The following COQ8A variants were observed in gnomAD, a reference collection of about 807,000 sequenced individuals.
COQ8A encodes the protein atypical kinase COQ8A, mitochondrial.
Under a neutral mutation model 65.0 loss-of-function variants are expected in COQ8A, and 51 were observed. The ratio of observed to expected loss-of-function variants is 0.78; its 90% CI spans 0.63 to 0.99. The LOEUF is 0.99. COQ8A is among the 50% of genes least tolerant of loss of function. The pLI is 0.00. For synonymous variants in COQ8A, 371 were observed against 353.2 expected (o/e 1.05, Z -0.57); for missense variants, 940 against 875.0 (o/e 1.07, Z -0.94).
At chr1:226,945,258 G>T (rs532011610) in intron 1 of COQ8A, among the ~76,000 whole-genome samples, 1 of 152,322 alleles carries the variant, frequency 6.6e-6, no homozygotes, top group African/African-American at 2.4e-5. Flanking sequence ...CCCGCGCTTG[G>T]TGGCCTTGCT....
rs760204991 is a variant in COQ8A, at chr1:226,986,548, GA to G, written c.1757del (p.Lys586ArgfsTer5). The stretch of plus-strand genomic sequence containing the variant: ...ATTTTGGCACTCAGAGCACCACCGA[GA>G]AGATCCACAACCTGATTCCCGTCAT... ...FDFGTQSTTE[K>X]IHNLIPVMLR... On this transcript the variant is annotated frameshift_variant, in exon 15 of 15. Coordinates refer to ENST00000366777, the MANE Select transcript of COQ8A (RefSeq NM_020247.5). LOFTEE classifies it high-confidence loss of function. 3 of 1,614,004 alleles carry G rather than the reference GA, an allele frequency of 1.9e-6. No homozygotes were observed. Among genetic ancestry groups the G allele is most frequent in the Non-Finnish European group, 2.5e-6 (3 of 1,180,018 alleles).
intron 4 of COQ8A, among the ~76,000 whole-genome samples, chr1:226,971,738 A>G (rs1658922542): frequency 6.6e-6 from 1 of 151,826 alleles, no homozygotes; most frequent in Admixed American, 6.6e-5. Flanking sequence ...TGCTTCTTTG[A>G]AAGTTATGTC....
intron 1 of COQ8A, among the ~76,000 whole-genome samples, chr1:226,959,953 C>T (rs1658049341): frequency 6.6e-6 from 1 of 152,164 alleles, no homozygotes; most frequent in Non-Finnish European, 1.5e-5. Context: ...CTTGATGCTT[C>T]CTTTTTGATT....
At position 226,946,492 on chromosome 1, in the gene COQ8A, G is replaced by A. The variant is rs550469154; in HGVS notation, c.-10+6093G>A. 6.6e-6 allele frequency among the ~76,000 whole-genome samples: 1 copy of A among 152,130 alleles called. No individual in the cohort carries two copies. The highest frequency in any genetic ancestry group is 2.1e-4 in the South Asian group (1 of 4,820). On this transcript the variant is annotated intron_variant, in intron 1 of 14. Transcript: ENST00000366777. The surrounding 1 kb of genome is among the most constrained non-coding windows in gnomAD (Gnocchi z 5.3). ...GCAGAGGTGTCTGGGGCTCCACAGT[G>A]AAGGGCCTTGCTGGCCAGGCCAGAC...
intron 2 of COQ8A, among the ~76,000 whole-genome samples, chr1:226,963,973 G>A (rs755458964): frequency 7.9e-5 from 12 of 152,284 alleles, no homozygotes; most frequent in East Asian, 7.7e-4. Flanking sequence ...GTTGGATCCC[G>A]GCTCTGTCAT....
At chr1:226,950,339 A>G (rs1657301206) in intron 1 of COQ8A, among the ~76,000 whole-genome samples, 1 of 152,176 alleles carries the variant, frequency 6.6e-6, no homozygotes, top group African/African-American at 2.4e-5. Flanking sequence ...TCCTAAGAAT[A>G]TCTTAATCTT....
rs564593360 is a variant in COQ8A, at chr1:226,983,865, C to G, written c.1256+11C>G. The G allele has an allele frequency of 4.1e-5, 66 of 1,598,238 alleles. No individual in the cohort carries two copies. In the Middle Eastern group the frequency reaches 1.1e-3, roughly 27 times the overall value. On this transcript the variant is annotated intron_variant, in intron 10 of 14. Transcript: ENST00000366777. ...TGCCCGCAAGTTCAGGTGTGGCCCC[C>G]GGCCGGGCCCCTTGCGTGTTTGCAC...
At chr1:226,957,954 A>G (rs1337176328) in intron 1 of COQ8A, 1 of 152,148 alleles carries the variant, frequency 6.6e-6, no homozygotes, top group Admixed American at 6.5e-5. Context: ...TGTGGTGGGA[A>G]CACAGCCTTG....
intron 5 of COQ8A, among the ~76,000 whole-genome samples, chr1:226,979,116 G>A (rs75836830): frequency 0.042 from 6,410 of 152,334 alleles, 263 homozygotes; most frequent in South Asian, 0.24. Context: ...TGGGGAGGCT[G>A]TAGTCTATGC....
Position 226,987,142 on chromosome 1 carries a change from G to T in COQ8A, c.*405G>T, listed in dbSNP as rs949144343. ...GTGGGATTTTATCATCTGTGTAGTA[G>T]GTGTGTGTATGTGTTTCTAGAGTGA... On this transcript the variant is annotated 3_prime_UTR_variant, in exon 15 of 15. Transcript: ENST00000366777. The T allele has an allele frequency of 7.4e-6, 2 of 270,980 alleles. No individual in the cohort carries two copies. Among genetic ancestry groups the T allele is most frequent in the Non-Finnish European group, 7.3e-6 (1 of 137,516 alleles). The allele number at this position is 270,980 out of a possible 1,614,324, so 16.8% of individuals were successfully genotyped here. A position where few individuals can be genotyped will look rare whatever the true frequency, so the allele number is the denominator to read the frequency against.
At chr1:226,973,029 T>C (rs923368265) in intron 4 of COQ8A, among the ~76,000 whole-genome samples, 5 of 152,228 alleles carry the variant, frequency 3.3e-5, no homozygotes, top group African/African-American at 9.6e-5. Flanking sequence ...ACCCTTTGGC[T>C]GGGACCTTCA....
chr1:226,975,524 T>G (rs1383468251), intron 4 of COQ8A, among the ~76,000 whole-genome samples: 1 of 152,288 alleles, frequency 6.6e-6, no homozygotes, highest in African/African-American at 2.4e-5. Context: ...GATAACATTT[T>G]GGGTATATTA....
chr1:226,978,937 C>A (rs746158037), intron 5 of COQ8A, among the ~76,000 whole-genome samples: 6 of 148,656 alleles, frequency 4.0e-5, no homozygotes, highest in South Asian at 2.2e-4. Flanking sequence ...ACACCCACCA[C>A]ACACCCACAC....
intron 1 of COQ8A, among the ~76,000 whole-genome samples, chr1:226,960,189 TGTGGTGGTGGTACTTG>T (rs1477432118): frequency 9.4e-6 from 1 of 106,188 alleles, no homozygotes; most frequent in Non-Finnish European, 2.0e-5. Context: ...TGATGGTACT[TGTGGTGGTGGTACTTG>T]GTGGTGGTGG....
Position 226,967,155 on chromosome 1 carries a change from C to T in COQ8A, c.655+1418C>T, listed in dbSNP as rs116927772. On this transcript the variant is annotated intron_variant, in intron 4 of 14. Coordinates refer to ENST00000366777, the MANE Select transcript of COQ8A (RefSeq NM_020247.5). ...GTCAGAATGAGTTTGAGAATCACTG[C>T]CTTGGTGGCCTCTAGTGGTCCTTAT... Among the ~76,000 whole-genome samples, 378 of 152,304 alleles carry T rather than the reference C, an allele frequency of 2.5e-3. 9 individuals are homozygous for T. The East Asian group carries it at 0.046, about 19-fold the overall frequency.
At chr1:226,971,964 A>G (rs751902277) in intron 4 of COQ8A, among the ~76,000 whole-genome samples, 8 of 152,190 alleles carry the variant, frequency 5.3e-5, no homozygotes, top group African/African-American at 9.7e-5. Flanking sequence ...TGGGACTCCA[A>G]TTACACATAT....
chr1:226,961,681 CCACCAGCTAA>C, intron 2 of COQ8A, 119 bp downstream of exon 2: 1 of 1,263,060 alleles, frequency 7.9e-7, no homozygotes, highest in Non-Finnish European at 1.1e-6. Context: ...GCCTGAGGGC[CCACCAGCTAA>C]TGTGTCCCAC....
At chr1:226,967,968 C>T (rs1419019580) in intron 4 of COQ8A, among the ~76,000 whole-genome samples, 4 of 152,216 alleles carry the variant, frequency 2.6e-5, no homozygotes, top group African/African-American at 7.2e-5. Flanking sequence ...AATTCTGGGC[C>T]TTCTGGCTCA....
At chr1:226,968,012 C>G (rs374491389) in intron 4 of COQ8A, among the ~76,000 whole-genome samples, 7 of 151,016 alleles carry the variant, frequency 4.6e-5, no homozygotes, top group Non-Finnish European at 8.8e-5. Context: ...AGGTTATGAC[C>G]CTTTAGTAAC....
Sources: allele counts gnomAD v4.1 joint callset (sites outside exome capture counted in the v4.1 genomes callset), GRCh38; gene constraint gnomAD v4.1.1; non-coding constraint Gnocchi (gnomAD v3.1); transcripts MANE v1.5; gene names NCBI Gene and HGNC (gene_info 2026-07-23, HGNC 2026-07-21).